Variants in SEPHS1 observed in about 807,000 individuals in gnomAD.
SEPHS1 encodes the protein selenophosphate synthetase 1.
Under a neutral mutation model 39.2 loss-of-function variants are expected in SEPHS1, and 7 were observed. The ratio of observed to expected loss-of-function variants is 0.18; its 90% CI spans 0.10 to 0.34. The LOEUF (loss-of-function observed/expected upper bound fraction) is 0.34, where lower values mean the gene tolerates loss of function less well. SEPHS1 is among the 10% of genes least tolerant of loss of function. SEPHS1 has a pLI of 1.00. For missense variants in SEPHS1, 253 were observed against 514.5 expected (o/e 0.49, Z 4.92); for synonymous variants, 190 against 195.5 (o/e 0.97, Z 0.23).
intron 3 of SEPHS1, among the ~76,000 whole-genome samples, chr10:13,338,240 G>C (rs1285730090): frequency 6.6e-6 from 1 of 152,198 alleles, no homozygotes; most frequent in Non-Finnish European, 1.5e-5. Context: ...ATTAATGTTT[G>C]AGGCATCTAA....
In SEPHS1 at chr10:13,335,980, C is replaced by CAAA. The variant is rs1266329760; in HGVS notation, c.405+260_405+262dup. 3.5e-4 allele frequency among the ~76,000 whole-genome samples: 33 copies of CAAA among 93,370 alleles called. 2 individuals carry two copies. Among genetic ancestry groups the CAAA allele is most frequent in the African/African-American group, 8.8e-4 (19 of 21,606 alleles). 61.3% of individuals were successfully genotyped at this position (93,370 alleles called of 152,430 possible). A position where few individuals can be genotyped will look rare whatever the true frequency, so the allele number is the denominator to read the frequency against. On this transcript the variant is annotated intron_variant, in intron 4 of 8. Coordinates refer to ENST00000327347, the MANE Select transcript of SEPHS1 (RefSeq NM_012247.5). ...GGGCGACAGAGTGAGACTCCTGTCT[C>CAAA]AAAAAAAAAAAAAAAAAAAGTCTTG...
At chr10:13,331,938 T>A (rs933481899) in intron 5 of SEPHS1, among the ~76,000 whole-genome samples, 1 of 152,216 alleles carries the variant, frequency 6.6e-6, no homozygotes, top group African/African-American at 2.4e-5. Context: ...TCCTCATACA[T>A]TGCTGCTGGG....
chr10:13,335,472 T>G (rs1833599139), intron 4 of SEPHS1, among the ~76,000 whole-genome samples: 1 of 150,570 alleles, frequency 6.6e-6, no homozygotes, highest in African/African-American at 2.5e-5. Context: ...GAGACCAGCC[T>G]GACCAACATG....
chr10:13,329,742 G>C lies in SEPHS1; in HGVS notation c.607C>G (p.Leu203Val). The change falls in exon 6 of 9, where the codon CTG becomes GTG. Residue 203 changes from leucine to valine, a missense_variant. This residue lies in a region of SEPHS1 where 107 missense variants were observed against 257.1 expected (regional missense o/e 0.42). Transcript: ENST00000327347. ...PGDVLVLTKP[L>V]GTQVAVAVHQ... ...ACAGCCACTGCCACCTGTGTCCCCA[G>C]GGGTTTTGTCAGCACCAGCACGTCC... 1 of 1,609,878 alleles carries C rather than the reference G, an allele frequency of 6.2e-7. No individual in the cohort carries two copies. Among genetic ancestry groups the C allele is most frequent in the Non-Finnish European group, 8.5e-7 (1 of 1,178,530 alleles).
intron 6 of SEPHS1, among the ~76,000 whole-genome samples, chr10:13,328,848 A>C (rs1564446328): frequency 6.6e-6 from 1 of 152,164 alleles, no homozygotes; most frequent in Non-Finnish European, 1.5e-5. Flanking sequence ...GCTGGAAGGC[A>C]CCTCTGCGCA....
chr10:13,322,818 C>A lies in SEPHS1; in HGVS notation c.964+17G>T, dbSNP rs376160019. On this transcript the variant is annotated intron_variant, in intron 8 of 8. Coordinates refer to ENST00000327347, the MANE Select transcript of SEPHS1 (RefSeq NM_012247.5). Reference sequence around the variant, plus strand: ...AGCCTCACTATTTAGTCCTCAGATGCGCCCAGCATCCTGTACCTGAAGTCT... The same window carrying A: ...AGCCTCACTATTTAGTCCTCAGATGAGCCCAGCATCCTGTACCTGAAGTCT... 6.2e-7 allele frequency: 1 copy of A among 1,608,570 alleles called. No individual in the cohort carries two copies. The highest frequency in any genetic ancestry group is 8.5e-7 in the Non-Finnish European group (1 of 1,177,246).
intron 8 of SEPHS1, among the ~76,000 whole-genome samples, chr10:13,322,334 T>TG (rs1833142760): frequency 6.6e-6 from 1 of 151,676 alleles, no homozygotes; most frequent in Admixed American, 6.6e-5. Context: ...TTAGTGAAGA[T>TG]GGGGTTTCAC....
chr10:13,345,198 C>A (rs1451707692), intron 1 of SEPHS1, 170 bp from the exon 2 acceptor site: 4 of 340,352 alleles, frequency 1.2e-5, no homozygotes, highest in Non-Finnish European at 2.1e-5. Flanking sequence ...CTTTTCATAA[C>A]GGGACTGCGT....
At chr10:13,341,596 T>C (rs1463587602) in intron 2 of SEPHS1, among the ~76,000 whole-genome samples, 19 of 152,326 alleles carry the variant, frequency 1.2e-4, no homozygotes. Context: ...AAAGCTGTTT[T>C]GGTTAACCCT....
At position 13,344,791 on chromosome 10, in the gene SEPHS1, C is replaced by G. The variant is rs1483092059; in HGVS notation, c.160G>C (p.Glu54Gln). 6.4e-7 allele frequency: 1 copy of G among 1,563,228 alleles called. No homozygotes were observed. The highest frequency in any genetic ancestry group is 1.4e-5 in the African/African-American group (1 of 73,452). ...GGCATAACGGCTCCCAGAAACTGCT[C>G]ATCTTCTTGGAAGTGGTTCTCCTGT... is the stretch of plus-strand genomic sequence containing the variant. ...SLQENHFQEDEQFLGAVMPRL... is the reference protein window; with the variant it reads ...SLQENHFQEDQQFLGAVMPRL... Residue 54 changes from glutamate (E) to glutamine (Q), a missense_variant, in exon 2 of 9, where the codon GAG becomes CAG. By Grantham distance (29) the Glu-to-Gln change is conservative (BLOSUM62 2). Transcript: ENST00000327347.
intron 1 of SEPHS1, among the ~76,000 whole-genome samples, chr10:13,346,811 G>C (rs997167998): frequency 6.6e-6 from 1 of 152,156 alleles, no homozygotes; most frequent in African/African-American, 2.4e-5. Flanking sequence ...CAAAAAGGTG[G>C]GGAGGGGAAT....
chr10:13,324,650 A>T (rs1458759266), intron 7 of SEPHS1, among the ~76,000 whole-genome samples: 1 of 152,052 alleles, frequency 6.6e-6, no homozygotes, highest in African/African-American at 2.4e-5. Flanking sequence ...TCGCTTTGTC[A>T]CCCAGGCTGG....
At chr10:13,324,447 A>G (rs568193287) in intron 7 of SEPHS1, among the ~76,000 whole-genome samples, 6 of 152,202 alleles carry the variant, frequency 3.9e-5, no homozygotes, top group Non-Finnish European at 8.8e-5. Flanking sequence ...TTTTGAGTGA[A>G]TATCAAGGAG....
At chr10:13,341,994 A>AAG in intron 2 of SEPHS1, among the ~76,000 whole-genome samples, 1 of 150,318 alleles carries the variant, frequency 6.7e-6, no homozygotes, top group South Asian at 2.1e-4. Context: ...AAAAAAAAAA[A>AAG]GATGGCGGGG....
At chr10:13,333,529 C>T (rs1185917843) in intron 5 of SEPHS1, among the ~76,000 whole-genome samples, 1 of 151,954 alleles carries the variant, frequency 6.6e-6, no homozygotes, top group Non-Finnish European at 1.5e-5. Flanking sequence ...CAACCTCCAC[C>T]CCTGGGGTTC....
intron 3 of SEPHS1, 34 bp downstream of exon 3, chr10:13,338,671 T>C (rs1833708652): frequency 6.5e-7 from 1 of 1,532,778 alleles, no homozygotes; most frequent in African/African-American, 1.4e-5. Flanking sequence ...AAATAAGCCC[T>C]TCCAGTCACA....
At position 13,322,941 on chromosome 10, in the gene SEPHS1, C is replaced by T; in HGVS notation, c.858G>A (p.Val286=). 6.2e-7 allele frequency: 1 copy of T among 1,614,028 alleles called. No homozygotes were observed. Among genetic ancestry groups the T allele is most frequent in the Non-Finnish European group, 8.5e-7 (1 of 1,179,930 alleles). ...QNLAKQQRNE[V]SFVIHNLPVL... ...CCGGGAGGTTGTGAATTACAAACGACACCTCGTTCCTCTGCTGCTTGGCCA... is the reference window on the plus strand; with the variant it reads ...CCGGGAGGTTGTGAATTACAAACGATACCTCGTTCCTCTGCTGCTTGGCCA... Residue 286 remains valine, a synonymous_variant, in exon 8 of 9, where the codon GTG becomes GTA. Coordinates refer to ENST00000327347, the MANE Select transcript of SEPHS1 (RefSeq NM_012247.5).
At chr10:13,328,511 C>G (rs1833372289) in intron 6 of SEPHS1, 61 bp from the exon 7 acceptor site, 19 of 1,193,060 alleles carry the variant, frequency 1.6e-5, no homozygotes, top group Non-Finnish European at 2.1e-5. Context: ...ATCTTTACTT[C>G]TAGCAACTGA....
At chr10:13,340,986 T>C (rs568345749) in intron 2 of SEPHS1, among the ~76,000 whole-genome samples, 2 of 152,242 alleles carry the variant, frequency 1.3e-5, no homozygotes, top group Non-Finnish European at 2.9e-5. Context: ...GTCGTATATA[T>C]ACATACTGAA....
Sources: allele counts gnomAD v4.1 joint callset (sites outside exome capture counted in the v4.1 genomes callset), GRCh38; gene constraint gnomAD v4.1.1; regional missense constraint gnomAD v4.1.1; transcripts MANE v1.5; gene names NCBI Gene and HGNC (gene_info 2026-07-23, HGNC 2026-07-21).